PHACTR3: variants seen among roughly 807,000 people sequenced by gnomAD.
PHACTR3 encodes protein phosphatase 1, regulatory subunit 123.
PHACTR3 carries 16 observed loss-of-function variants against 66.8 expected under a neutral mutation model. The observed-to-expected ratio is 0.24, with a 90% CI of 0.16 to 0.36. The LOEUF (loss-of-function observed/expected upper bound fraction) is 0.36. Ranked by LOEUF, PHACTR3 falls within the 10% of genes least tolerant of loss-of-function variation. The pLI, the probability that PHACTR3 is intolerant of heterozygous loss-of-function variation, is 1.00. For synonymous variants in PHACTR3, 323 were observed against 292.1 expected, an observed-to-expected ratio of 1.11 and a Z score of -1.08; for missense variants, 647 against 719.9, an observed-to-expected ratio of 0.90 and a Z score of 1.16.
At chr20:59,715,432 A>G (rs1185334734) in intron 1 of PHACTR3, among the ~76,000 whole-genome samples, 4 of 152,202 alleles carry the variant, frequency 2.6e-5, no homozygotes, top group Non-Finnish European at 5.9e-5. Context: ...TCCACTGATT[A>G]TTTTTAAATG....
chr20:59,754,373 G>A (rs1350365363), intron 3 of PHACTR3, among the ~76,000 whole-genome samples: 1 of 152,146 alleles, frequency 6.6e-6, no homozygotes, highest in Non-Finnish European at 1.5e-5. Context: ...AGGGACCCCC[G>A]GCTCTGTGGC....
chr20:59,779,654 G>A (rs1157723187), intron 7 of PHACTR3, among the ~76,000 whole-genome samples: 1 of 152,146 alleles, frequency 6.6e-6, no homozygotes, highest in Non-Finnish European at 1.5e-5. Context: ...GGCAGACGTT[G>A]TCTTATCCCA....
At chr20:59,786,056 G>A (rs2040903709) in intron 7 of PHACTR3, among the ~76,000 whole-genome samples, 1 of 152,246 alleles carries the variant, frequency 6.6e-6, no homozygotes, top group South Asian at 2.1e-4. Context: ...TCCTTCCCCT[G>A]TGATGCTCAA....
chr20:59,717,594 T>G (rs932101424), intron 1 of PHACTR3, among the ~76,000 whole-genome samples: 1 of 152,230 alleles, frequency 6.6e-6, no homozygotes, highest in Non-Finnish European at 1.5e-5. Context: ...GCCTGGTGCA[T>G]GCTCAGGGGT....
chr20:59,782,534 GA>G (rs2040758779), intron 7 of PHACTR3, among the ~76,000 whole-genome samples: 1 of 152,176 alleles, frequency 6.6e-6, no homozygotes, highest in South Asian at 2.1e-4. Context: ...TTACAGGTGT[GA>G]GCCACCACAC....
chr20:59,710,046 GT>G (rs1035257477), intron 1 of PHACTR3, among the ~76,000 whole-genome samples: 1 of 152,174 alleles, frequency 6.6e-6, no homozygotes. Flanking sequence ...CAGGGAACAT[GT>G]TGGTAAGTGG....
chr20:59,840,595 GA>G (rs1357670793), intron 10 of PHACTR3, among the ~76,000 whole-genome samples, 165 bp downstream of exon 10: 1 of 152,178 alleles, frequency 6.6e-6, no homozygotes, highest in Non-Finnish European at 1.5e-5. Flanking sequence ...CAGCAACAAT[GA>G]ATTAACTCCC....
upstream of PHACTR3, chr20:59,604,514 C>T: frequency 1.6e-6 from 1 of 609,442 alleles, no homozygotes; most frequent in African/African-American, 2.1e-5. Context: ...TAATGTTTTC[C>T]AACAGATGCT....
chr20:59,598,838 G>C (rs71321548), intron 1 of PHACTR3, among the ~76,000 whole-genome samples: 1 of 152,106 alleles, frequency 6.6e-6, no homozygotes, highest in Non-Finnish European at 1.5e-5. Flanking sequence ...CAGAGGGCGC[G>C]GCTGCCCACC....
chr20:59,685,981 C>G (rs920242261), intron 1 of PHACTR3, among the ~76,000 whole-genome samples: 1 of 152,182 alleles, frequency 6.6e-6, no homozygotes, highest in Non-Finnish European at 1.5e-5. Context: ...AGGAATGAGG[C>G]ATGAACAATG....
At chr20:59,582,814 C>T (rs114573066) in intron 1 of PHACTR3, among the ~76,000 whole-genome samples, 3 of 152,114 alleles carry the variant, frequency 2.0e-5, no homozygotes, top group Non-Finnish European at 4.4e-5. Flanking sequence ...ATCTGGAACC[C>T]GATCCTCCGC....
chr20:59,636,100 C>T (rs950733420), intron 1 of PHACTR3, among the ~76,000 whole-genome samples: 3 of 152,314 alleles, frequency 2.0e-5, no homozygotes, highest in South Asian at 2.1e-4. Flanking sequence ...CGAAAAATTG[C>T]TTGTCTATAT....
chr20:59,646,803 T>G (rs527534767), intron 1 of PHACTR3, among the ~76,000 whole-genome samples: 1 of 152,314 alleles, frequency 6.6e-6, no homozygotes, highest in African/African-American at 2.4e-5. Flanking sequence ...ACAGCATGTA[T>G]GCATGCACAC....
intron 1 of PHACTR3, among the ~76,000 whole-genome samples, chr20:59,623,255 G>C (rs905283867): frequency 3.3e-5 from 5 of 151,984 alleles, no homozygotes; most frequent in African/African-American, 4.8e-5. Context: ...GCATGGATCA[G>C]GCTTGGTCCA....
chr20:59,650,938 G>GT (rs1555883137), intron 1 of PHACTR3, among the ~76,000 whole-genome samples: 3 of 151,984 alleles, frequency 2.0e-5, no homozygotes, highest in South Asian at 4.2e-4. Flanking sequence ...ATAATGTTTT[G>GT]TTTTTTTCTT....
intron 1 of PHACTR3, among the ~76,000 whole-genome samples, chr20:59,578,158 T>A (rs2146295893): frequency 6.6e-6 from 1 of 152,322 alleles, no homozygotes; most frequent in Non-Finnish European, 1.5e-5. Context: ...AGGGTCCAGC[T>A]GCAGTTCAAG....
chr20:59,722,853 CCGCAGCTTGT>C (rs2038373568), intron 1 of PHACTR3, among the ~76,000 whole-genome samples: 1 of 151,908 alleles, frequency 6.6e-6, no homozygotes, highest in Admixed American at 6.6e-5. Context: ...GTGGTGAGCA[CCGCAGCTTGT>C]AAGAGGCAAG....
intron 3 of PHACTR3, among the ~76,000 whole-genome samples, chr20:59,751,426 A>T (rs767694789): frequency 5.3e-5 from 8 of 152,174 alleles, no homozygotes; most frequent in Non-Finnish European, 1.0e-4. Context: ...TTCCTTGGCC[A>T]GGACAAACCC....
intron 1 of PHACTR3, among the ~76,000 whole-genome samples, chr20:59,704,791 T>C (rs560440034): frequency 4.6e-5 from 7 of 152,118 alleles, no homozygotes; most frequent in African/African-American, 9.6e-5. Flanking sequence ...CATTCTATTA[T>C]GTGTATGCTA....
Sources: allele counts gnomAD v4.1 joint callset (sites outside exome capture counted in the v4.1 genomes callset), GRCh38; gene constraint gnomAD v4.1.1; transcripts MANE v1.5; gene names NCBI Gene and HGNC (gene_info 2026-07-23, HGNC 2026-07-21).